Variants in ZFHX3 observed in about 807,000 individuals in gnomAD.
ZFHX3 encodes zinc finger homeobox protein 3.
In ZFHX3, 42 loss-of-function variants were observed where a neutral mutation model predicts 279.1. The ratio of observed to expected loss-of-function variants is 0.15; its 90% CI spans 0.12 to 0.19. ZFHX3 has a LOEUF of 0.19. Ranked by LOEUF, ZFHX3 falls within the 10% of genes least tolerant of loss-of-function variation. The pLI is 1.00. For missense variants in ZFHX3, 4,981 were observed against 4,754.0 expected (o/e 1.05, Z -1.40); for synonymous variants, 2,293 against 1,957.8 (o/e 1.17, Z -4.52).
At chr16:73,192,141 C>G (rs1044013758) in intron 5 of ZFHX3, among the ~76,000 whole-genome samples, 2 of 152,152 alleles carry the variant, frequency 1.3e-5, no homozygotes, top group African/African-American at 4.8e-5. Context: ...GCCTCACTTG[C>G]TACCTTCCCT....
At chr16:73,882,311 A>C (rs1434341811) in intron 1 of ZFHX3, among the ~76,000 whole-genome samples, 1 of 152,018 alleles carries the variant, frequency 6.6e-6, no homozygotes, top group Non-Finnish European at 1.5e-5. Context: ...TGGACTAGTG[A>C]TGTCATCTAT....
intron 7 of ZFHX3, among the ~76,000 whole-genome samples, chr16:73,098,295 C>A (rs1047784479): frequency 1.3e-5 from 2 of 152,108 alleles, no homozygotes; most frequent in African/African-American, 4.8e-5. Context: ...GTCTCGAACT[C>A]CTGACCTCGT....
At chr16:73,577,956 A>C (rs567659628) in intron 2 of ZFHX3, among the ~76,000 whole-genome samples, 1 of 152,178 alleles carries the variant, frequency 6.6e-6, no homozygotes, top group Non-Finnish European at 1.5e-5. Context: ...CAACATGCAG[A>C]CTCTAAAACT....
chr16:73,712,365 C>T (rs1302688492), intron 1 of ZFHX3, among the ~76,000 whole-genome samples: 2 of 152,230 alleles, frequency 1.3e-5, no homozygotes, highest in African/African-American at 4.8e-5. Flanking sequence ...GGGCCTTCTC[C>T]TCAGTGGGTT....
chr16:73,702,476 T>C (rs1377597567), intron 1 of ZFHX3, among the ~76,000 whole-genome samples: 2 of 152,174 alleles, frequency 1.3e-5, no homozygotes, highest in South Asian at 4.1e-4. Flanking sequence ...CAGGTCCCTG[T>C]AGGTTTGTGG....
At chr16:72,989,108 G>A (rs1235324721) in intron 1 of ZFHX3, among the ~76,000 whole-genome samples, 2 of 151,030 alleles carry the variant, frequency 1.3e-5, no homozygotes, top group Non-Finnish European at 2.9e-5. Context: ...AGAAGTTTGA[G>A]GCTGCGGTGA....
intron 3 of ZFHX3, among the ~76,000 whole-genome samples, chr16:73,399,837 G>GGTGTGTGTGT (rs4011546): frequency 0.035 from 5,229 of 148,230 alleles, 197 homozygotes; most frequent in African/African-American, 0.09. Flanking sequence ...TGTGGTGTGT[G>GGTGTGTGTGT]GTGTGTGTGT....
intron 4 of ZFHX3, among the ~76,000 whole-genome samples, chr16:72,849,983 G>A (rs1218960889): frequency 6.6e-6 from 1 of 150,770 alleles, no homozygotes; most frequent in Non-Finnish European, 1.5e-5. Flanking sequence ...TACGTCAGGG[G>A]ACATAAGCTG....
intron 3 of ZFHX3, among the ~76,000 whole-genome samples, chr16:73,325,076 C>T (rs1308081453): frequency 3.3e-5 from 5 of 152,150 alleles, no homozygotes; most frequent in East Asian, 1.9e-4. Context: ...TCTTTCACAA[C>T]CTCTCTGGCT....
At chr16:73,700,811 C>G (rs1020388020) in intron 1 of ZFHX3, among the ~76,000 whole-genome samples, 2 of 152,184 alleles carry the variant, frequency 1.3e-5, no homozygotes, top group African/African-American at 4.8e-5. Context: ...AGGATCACAT[C>G]ACAAGTGCAA....
At chr16:73,474,102 T>C (rs1408996919) in intron 2 of ZFHX3, among the ~76,000 whole-genome samples, 1 of 151,978 alleles carries the variant, frequency 6.6e-6, no homozygotes, top group African/African-American at 2.4e-5. Flanking sequence ...CCAAAGGAAA[T>C]TCTTTGGGGT....
chr16:73,278,212 A>G (rs2014352780), intron 4 of ZFHX3, among the ~76,000 whole-genome samples: 1 of 152,192 alleles, frequency 6.6e-6, no homozygotes, highest in South Asian at 2.1e-4. Flanking sequence ...AAATAATTAT[A>G]CTGATATTCT....
intron 4 of ZFHX3, among the ~76,000 whole-genome samples, chr16:73,282,690 G>A (rs1162240201): frequency 1.3e-5 from 2 of 152,164 alleles, no homozygotes; most frequent in Admixed American, 1.3e-4. Context: ...CAATGGTAGT[G>A]TTGTTTTAGC....
At chr16:72,869,794 C>T (rs888235653) in intron 4 of ZFHX3, among the ~76,000 whole-genome samples, 1 of 152,208 alleles carries the variant, frequency 6.6e-6, no homozygotes, top group African/African-American at 2.4e-5. Context: ...AGCATATCCT[C>T]ACTAGATTCT....
chr16:73,299,878 G>A (rs1226580057), intron 4 of ZFHX3, among the ~76,000 whole-genome samples: 1 of 152,062 alleles, frequency 6.6e-6, no homozygotes, highest in Non-Finnish European at 1.5e-5. Context: ...AAACAATTAG[G>A]GTAGTCTCAT....
At chr16:73,014,874 A>G (rs1964044178) in intron 1 of ZFHX3, among the ~76,000 whole-genome samples, 1 of 152,124 alleles carries the variant, frequency 6.6e-6, no homozygotes, top group Middle Eastern at 3.4e-3. Context: ...AAAGGGGGAC[A>G]GAACCACTGG....
intron 1 of ZFHX3, among the ~76,000 whole-genome samples, chr16:73,852,227 C>T (rs904340288): frequency 2.6e-5 from 4 of 152,132 alleles, no homozygotes; most frequent in African/African-American, 9.7e-5. Context: ...GCCAGAAAAT[C>T]ATGACAAAGC....
intron 3 of ZFHX3, among the ~76,000 whole-genome samples, chr16:72,932,130 C>A (rs1284776694): frequency 6.6e-6 from 1 of 152,106 alleles, no homozygotes; most frequent in Non-Finnish European, 1.5e-5. Context: ...GTACTCTATG[C>A]CAGTTTCCAA....
intron 1 of ZFHX3, among the ~76,000 whole-genome samples, chr16:73,684,906 G>T (rs539442099): frequency 2.8e-4 from 42 of 152,146 alleles, no homozygotes; most frequent in Non-Finnish European, 5.3e-4. Flanking sequence ...TCACTATGTT[G>T]GTCAGGCTGG....
Sources: allele counts gnomAD v4.1 joint callset (sites outside exome capture counted in the v4.1 genomes callset), GRCh38; gene constraint gnomAD v4.1.1; transcripts MANE v1.5; gene names NCBI Gene and HGNC (gene_info 2026-07-23, HGNC 2026-07-21).